Variants in TSC22D2 observed in about 807,000 individuals in gnomAD.
TSC22D2 encodes the protein TSC22 domain family member 2, also known as TSC22 domain family protein 2.
TSC22D2 carries 5 observed loss-of-function variants against 50.1 expected under a neutral mutation model. That is an observed-to-expected ratio of 0.10 (90% CI 0.05 to 0.21). TSC22D2 has a LOEUF of 0.21. Among genes scored for constraint, TSC22D2 ranks in the 10% least tolerant of loss-of-function variants. The probability of loss-of-function intolerance (pLI) is 1.00; values close to 1 mark genes in which losing one functional copy is unlikely to be tolerated. For missense variants in TSC22D2, 1,003 were observed against 1,015.5 expected (o/e 0.99, Z 0.17); for synonymous variants, 501 against 450.1 (o/e 1.11, Z -1.43).
intron 1 of TSC22D2, among the ~76,000 whole-genome samples, chr3:150,431,464 C>CCAGT (rs1365158212): frequency 6.6e-6 from 1 of 151,928 alleles, no homozygotes; most frequent in Non-Finnish European, 1.5e-5. Context: ...GTTCGAAGAG[C>CCAGT]CAGTATAGGT....
At chr3:150,445,458 T>G (rs1720855743) in intron 1 of TSC22D2, among the ~76,000 whole-genome samples, 1 of 151,824 alleles carries the variant, frequency 6.6e-6, no homozygotes, top group Non-Finnish European at 1.5e-5. Flanking sequence ...AAAAAATCAA[T>G]TAAGGAATAA....
intron 1 of TSC22D2, among the ~76,000 whole-genome samples, chr3:150,432,842 T>A (rs1720423553): frequency 6.6e-6 from 1 of 152,108 alleles, no homozygotes; most frequent in South Asian, 2.1e-4. Flanking sequence ...TTATTAAGAT[T>A]TGGGGTGGTA....
chr3:150,430,872 T>C lies in TSC22D2; in HGVS notation c.1958+19564T>C, dbSNP rs753932816. On this transcript the variant is annotated intron_variant, in intron 1 of 2. Transcript: ENST00000688009. ...CCATTCTGAGGATATTATTTTCTAA[T>C]CAAAAAGAAGAGAAAGGTCTGAATC... Among the ~76,000 whole-genome samples, 11 of 152,044 alleles carry C rather than the reference T, an allele frequency of 7.2e-5. No homozygotes were observed. In the South Asian group the frequency reaches 1.9e-3, roughly 26 times the overall value.
At chr3:150,430,981 T>C (rs1017707713) in intron 1 of TSC22D2, among the ~76,000 whole-genome samples, 12 of 152,220 alleles carry the variant, frequency 7.9e-5, no homozygotes, top group African/African-American at 2.9e-4. Context: ...ATTCAGTGTT[T>C]GTTAACATTT....
Position 150,459,586 on chromosome 3 carries a change from G to GTTTTTTTTTTTTTTTTTT in TSC22D2, c.*951_*952insTTTTTTTTTTTTTTTTTT, listed in dbSNP as rs1721314104. 2.6e-5 allele frequency: 2 copies of GTTTTTTTTTTTTTTTTTT among 78,342 alleles called. No individual in the cohort carries two copies. Among genetic ancestry groups the GTTTTTTTTTTTTTTTTTT allele is most frequent in the African/African-American group, 4.9e-5 (1 of 20,580 alleles). 4.9% of individuals were successfully genotyped at this position (78,342 alleles called of 1,614,324 possible). On this transcript the variant is annotated 3_prime_UTR_variant, in exon 3 of 3. Transcript: ENST00000688009. ...TTTTTTTTGTTGTTTTTTTTTTTTT[G>GTTTTTTTTTTTTTTTTTT]TCTTTTTTTTTTTTTATAATGCACA...
At chr3:150,431,003 C>CT (rs1720360196) in intron 1 of TSC22D2, among the ~76,000 whole-genome samples, 1 of 151,872 alleles carries the variant, frequency 6.6e-6, no homozygotes, top group Admixed American at 6.6e-5. Context: ...GTCATATTTG[C>CT]TTTATCATCC....
intron 1 of TSC22D2, among the ~76,000 whole-genome samples, chr3:150,450,872 C>G (rs1721020924): frequency 6.6e-6 from 1 of 152,032 alleles, no homozygotes; most frequent in African/African-American, 2.4e-5. Flanking sequence ...AAATGTTACC[C>G]AGGTTAGAAT....
chr3:150,430,187 A>T (rs1465428936), intron 1 of TSC22D2, among the ~76,000 whole-genome samples: 1 of 152,082 alleles, frequency 6.6e-6, no homozygotes, highest in Non-Finnish European at 1.5e-5. Context: ...TTGGAAACTG[A>T]AAGGTGGGTA....
At position 150,460,911 on chromosome 3, in the gene TSC22D2, C is replaced by T. The variant is rs984966825; in HGVS notation, c.*2275C>T. The T allele has an allele frequency of 1.3e-5, 2 of 152,156 alleles. No homozygotes were observed. The highest frequency in any genetic ancestry group is 4.8e-5 in the African/African-American group (2 of 41,428). 9.4% of individuals were successfully genotyped at this position (152,156 alleles called of 1,614,324 possible). On this transcript the variant is annotated 3_prime_UTR_variant, in exon 3 of 3. Coordinates refer to ENST00000688009, the MANE Select transcript of TSC22D2 (RefSeq NM_001303264.2). ...TTTAAAATGGTAACAGCAGTTATTA[C>T]TACTTTTATATTAAGAAAAACAGTA...
chr3:150,411,128 A>T lies in TSC22D2; in HGVS notation c.1778A>T (p.Asp593Val). 1.9e-6 allele frequency: 3 copies of T among 1,614,148 alleles called. No individual in the cohort carries two copies. Among genetic ancestry groups the T allele is most frequent in the Non-Finnish European group, 2.5e-6 (3 of 1,180,036 alleles). The change falls in exon 1 of 3, where the codon GAT becomes GTT. Residue 593 changes from aspartate to valine, a missense_variant. Asp to Val is a radical substitution (Grantham distance 152). This residue lies in a region of TSC22D2 where 696 missense variants were observed against 647.8 expected (regional missense o/e 1.07). Transcript: ENST00000688009. The stretch of plus-strand genomic sequence containing the variant: ...CAGCCTTTAGTCGGGCAAGTCGACG[A>T]TACTAGAAGAAAATCAGAACCCCTA... Reference protein sequence around the residue: ...QTQPLVGQVDDTRRKSEPLPQ... With the variant: ...QTQPLVGQVDVTRRKSEPLPQ...
Position 150,409,061 on chromosome 3 carries a change from G to A in TSC22D2, c.-290G>A. 3.3e-6 allele frequency: 1 copy of A among 300,542 alleles called. No homozygotes were observed. The highest frequency in any genetic ancestry group is 6.2e-6 in the Non-Finnish European group (1 of 160,094). The allele number at this position is 300,542 out of a possible 1,614,324, so 18.6% of individuals were successfully genotyped here. On this transcript the variant is annotated 5_prime_UTR_variant, in exon 1 of 3. Transcript: ENST00000688009. This position sits in a 1 kb window ranked among gnomAD's most constrained non-coding sequence, Gnocchi z 7.4. ...GGTTCGCGCTCTCGCCGCCTCTGAG[G>A]GAATTGAATTGAGGCGCCGCGGCTG... is the stretch of plus-strand genomic sequence containing the variant.
At position 150,409,640 on chromosome 3, in the gene TSC22D2, C is replaced by T; in HGVS notation, c.290C>T (p.Ala97Val). ...NLLLDGQLAAAAAAPANGGGV... is the reference protein window; with the variant it reads ...NLLLDGQLAAVAAAPANGGGV... ...CTCCTAGATGGGCAGCTGGCAGCGG[C>T]GGCTGCTGCTCCCGCCAACGGAGGA... The change falls in exon 1 of 3, where the codon GCG becomes GTG. Residue 97 changes from alanine to valine, a missense_variant. Physicochemically the swap from Ala to Val is moderately conservative, Grantham distance 64. Transcript: ENST00000688009. This position sits in a 1 kb window ranked among gnomAD's most constrained non-coding sequence, Gnocchi z 7.4. The T allele has an allele frequency of 6.2e-7, 1 of 1,607,808 alleles. No individual in the cohort carries two copies. The highest frequency in any genetic ancestry group is 1.1e-5 in the South Asian group (1 of 90,614).
chr3:150,433,765 A>G (rs1012917589), intron 1 of TSC22D2, among the ~76,000 whole-genome samples: 3 of 152,198 alleles, frequency 2.0e-5, no homozygotes, highest in Admixed American at 1.3e-4. Context: ...AGCATAATAT[A>G]TTATGGTTTC....
In TSC22D2 at chr3:150,409,056, C is replaced by G; in HGVS notation, c.-295C>G. 7.0e-6 allele frequency: 2 copies of G among 286,874 alleles called. No individual in the cohort carries two copies. Among genetic ancestry groups the G allele is most frequent in the Non-Finnish European group, 1.3e-5 (2 of 151,616 alleles). 17.8% of individuals were successfully genotyped at this position (286,874 alleles called of 1,614,324 possible). On this transcript the variant is annotated 5_prime_UTR_variant, in exon 1 of 3. Coordinates refer to ENST00000688009, the MANE Select transcript of TSC22D2 (RefSeq NM_001303264.2). This position sits in a 1 kb window ranked among gnomAD's most constrained non-coding sequence, Gnocchi z 7.4. ...CCCTGGGTTCGCGCTCTCGCCGCCT[C>G]TGAGGGAATTGAATTGAGGCGCCGC... is the stretch of plus-strand genomic sequence containing the variant.
Position 150,410,386 on chromosome 3 carries a change from G to A in TSC22D2, c.1036G>A (p.Val346Met), listed in dbSNP as rs770920572. Residue 346 changes from valine (V) to methionine (M), a missense_variant, in exon 1 of 3, where the codon GTG becomes ATG. Physicochemically the swap from Val to Met is conservative, Grantham distance 21. Around this residue, in one of 6 missense-constraint regions of TSC22D2, gnomAD observed 696 missense variants for 647.8 expected, o/e 1.07. Coordinates refer to ENST00000688009, the MANE Select transcript of TSC22D2 (RefSeq NM_001303264.2). ...MSLPPQPGPA[V>M]GAPAAQQPQQ... is the part of the protein sequence containing the mutation. The stretch of plus-strand genomic sequence containing the variant: ...CCTGCCTCCGCAGCCGGGCCCTGCA[G>A]TGGGCGCCCCCGCGGCGCAGCAGCC... 65 of 1,606,200 alleles carry A rather than the reference G, an allele frequency of 4.0e-5. No homozygotes were observed. In the African/African-American group the frequency reaches 7.1e-4, roughly 18 times the overall value.
rs1719532213 is a variant in TSC22D2 at position 150,410,953 on chromosome 3, C to T, written c.1603C>T (p.Leu535=). 2 of 1,614,218 alleles carry T rather than the reference C, an allele frequency of 1.2e-6. No homozygotes were observed. Among genetic ancestry groups the T allele is most frequent in the Admixed American group, 1.7e-5 (1 of 60,024 alleles). ...TACTATGCCAAATGTACCCGCGCCT[C>T]TGGCCCAGTCGCAACAGCTGAGCAG... ...SVTMPNVPAP[L]AQSQQLSSHT... is the part of the protein sequence containing the mutation. Residue 535 remains leucine (L), a synonymous_variant, in exon 1 of 3, where the codon CTG becomes TTG. Coordinates refer to ENST00000688009, the MANE Select transcript of TSC22D2 (RefSeq NM_001303264.2).
intron 1 of TSC22D2, among the ~76,000 whole-genome samples, chr3:150,453,443 C>T (rs1721102618): frequency 6.6e-6 from 1 of 152,160 alleles, no homozygotes; most frequent in African/African-American, 2.4e-5. Flanking sequence ...CTCTTATTTG[C>T]TTAAGACTAC....
chr3:150,414,168 A>G (rs1278967009), intron 1 of TSC22D2, among the ~76,000 whole-genome samples: 1 of 152,150 alleles, frequency 6.6e-6, no homozygotes, highest in African/African-American at 2.4e-5. Flanking sequence ...TTGCCTATTG[A>G]CTCTACATTA....
chr3:150,443,979 G>C (rs1205096071), intron 1 of TSC22D2, among the ~76,000 whole-genome samples: 1 of 152,074 alleles, frequency 6.6e-6, no homozygotes, highest in Admixed American at 6.6e-5. Flanking sequence ...AAGTTTCACT[G>C]GCCATGGCAG....
Sources: gnomAD v4.1 joint callset for allele counts (sites outside exome capture counted in the v4.1 genomes callset) on GRCh38, gnomAD v4.1.1 for gene constraint, gnomAD v4.1.1 regional missense constraint, Gnocchi (gnomAD v3.1) non-coding constraint, MANE v1.5 for transcripts, NCBI Gene and HGNC (gene_info 2026-07-23, HGNC 2026-07-21) for gene names.